The following PDZRN4 variants were observed in gnomAD, a reference collection of about 807,000 sequenced individuals.
PDZRN4 encodes the protein PDZ domain containing ring finger 4.
PDZRN4 carries 70 observed loss-of-function variants against 99.0 expected under a neutral mutation model. The ratio of observed to expected loss-of-function variants is 0.71; its 90% CI spans 0.58 to 0.86. The LOEUF (loss-of-function observed/expected upper bound fraction) is 0.86, where lower values mean the gene tolerates loss of function less well. Among genes scored for constraint, PDZRN4 ranks in the 40% least tolerant of loss-of-function variants. PDZRN4 has a pLI of 0.00. For synonymous variants in PDZRN4, 551 were observed against 501.6 expected, an observed-to-expected ratio of 1.10 and a Z score of -1.32; for missense variants, 1,474 against 1,331.2, an observed-to-expected ratio of 1.11 and a Z score of -1.67.
chr12:41,283,130 G>A lies in PDZRN4; in HGVS notation c.843+88942G>A, dbSNP rs541863900. ...TAACAGAATTAGCCAGACTAATTAA[G>A]AAGAAAAGAGAGAAGAATCAAATAG... is the stretch of plus-strand genomic sequence containing the variant. On this transcript the variant is annotated intron_variant, in intron 3 of 9. Coordinates refer to ENST00000402685, the MANE Select transcript of PDZRN4 (RefSeq NM_001164595.2). Among the ~76,000 whole-genome samples, 8 of 151,822 alleles carry A rather than the reference G, an allele frequency of 5.3e-5. No homozygotes were observed. In the East Asian group the frequency reaches 1.5e-3, roughly 29 times the overall value.
intron 3 of PDZRN4, among the ~76,000 whole-genome samples, chr12:41,310,728 A>G (rs1379716192): frequency 6.6e-6 from 1 of 152,202 alleles, no homozygotes; most frequent in Non-Finnish European, 1.5e-5. Context: ...ACGTTATTCT[A>G]TTTCTAAAAC....
chr12:41,296,980 A>G (rs1951499562), intron 3 of PDZRN4, among the ~76,000 whole-genome samples: 1 of 152,004 alleles, frequency 6.6e-6, no homozygotes. Flanking sequence ...CAAAAACAAA[A>G]TCTGTAAAGG....
chr12:41,217,966 G>T (rs1345677393), intron 3 of PDZRN4, among the ~76,000 whole-genome samples: 2 of 152,088 alleles, frequency 1.3e-5, no homozygotes, highest in Non-Finnish European at 2.9e-5. Context: ...AAAGGACTTG[G>T]AATGTACAAG....
chr12:41,526,872 T>G (rs745527264), intron 5 of PDZRN4, among the ~76,000 whole-genome samples: 1 of 152,246 alleles, frequency 6.6e-6, no homozygotes, highest in Non-Finnish European at 1.5e-5. Flanking sequence ...TGACTTCCAC[T>G]TCTACTGTAA....
intron 3 of PDZRN4, among the ~76,000 whole-genome samples, chr12:41,214,786 A>C (rs369119299): frequency 8.7e-4 from 132 of 152,172 alleles, no homozygotes; most frequent in African/African-American, 3.1e-3. Context: ...AAGCTACTCA[A>C]AATAGTTATA....
chr12:41,190,524 G>C (rs193239425), intron 1 of PDZRN4, among the ~76,000 whole-genome samples: 11 of 152,314 alleles, frequency 7.2e-5, no homozygotes. Context: ...ATTCTGAGAA[G>C]TGAGAAAAAC....
chr12:41,493,826 T>A (rs1391905452), intron 3 of PDZRN4, among the ~76,000 whole-genome samples: 3 of 151,110 alleles, frequency 2.0e-5, no homozygotes, highest in African/African-American at 7.3e-5. Flanking sequence ...AAAGGTGGCC[T>A]AGGCTGGAAA....
At chr12:41,197,918 G>GTTTTTTTTTTTTCT (rs1491129322) in intron 3 of PDZRN4, among the ~76,000 whole-genome samples, 3 of 114,576 alleles carry the variant, frequency 2.6e-5, no homozygotes. Flanking sequence ...TGTTTTTTCT[G>GTTTTTTTTTTTTCT]GGTTTTTTTT....
chr12:41,544,698 AG>A (rs1592105409), intron 5 of PDZRN4, among the ~76,000 whole-genome samples: 1 of 152,248 alleles, frequency 6.6e-6, no homozygotes, highest in South Asian at 2.1e-4. Context: ...ATTGCCAAGA[AG>A]CTACTAAGCA....
intron 3 of PDZRN4, among the ~76,000 whole-genome samples, chr12:41,262,850 G>A (rs1029337753): frequency 6.6e-5 from 10 of 151,906 alleles, no homozygotes; most frequent in Non-Finnish European, 1.2e-4. Context: ...ATAAGATGTC[G>A]GCGTTTCTAG....
rs562439739 is a variant in PDZRN4 at position 41,438,681 on chromosome 12, A to G, written c.844-67775A>G. ...CTGTAGGTGACCTAGAAAAAAGTGT[A>G]TAAATTTAGATGTCTCTTTTATGTG... On this transcript the variant is annotated intron_variant, in intron 3 of 9. Transcript: ENST00000402685. 5.3e-5 allele frequency among the ~76,000 whole-genome samples: 8 copies of G among 152,292 alleles called. No individual in the cohort carries two copies. In the South Asian group the frequency reaches 1.7e-3, roughly 32 times the overall value.
At chr12:41,317,109 TG>T (rs1951644495) in intron 3 of PDZRN4, among the ~76,000 whole-genome samples, 1 of 131,516 alleles carries the variant, frequency 7.6e-6, no homozygotes, top group South Asian at 2.5e-4. Flanking sequence ...ATTATCTATG[TG>T]GTATACAAGT....
chr12:41,327,061 CCT>C (rs1951713976), intron 3 of PDZRN4, among the ~76,000 whole-genome samples: 1 of 152,012 alleles, frequency 6.6e-6, no homozygotes, highest in Non-Finnish European at 1.5e-5. Context: ...AGATGCAATT[CCT>C]CTTTGTTTCT....
At chr12:41,414,628 T>C (rs1345965949) in intron 3 of PDZRN4, among the ~76,000 whole-genome samples, 1 of 151,922 alleles carries the variant, frequency 6.6e-6, no homozygotes, top group East Asian at 1.9e-4. Flanking sequence ...TACAACCATC[T>C]TCAAATTAAA....
At chr12:41,462,906 G>A (rs563839811) in intron 3 of PDZRN4, among the ~76,000 whole-genome samples, 8 of 152,144 alleles carry the variant, frequency 5.3e-5, no homozygotes, top group Non-Finnish European at 1.0e-4. Context: ...ATTGTGGTCT[G>A]TCCACTGTCA....
chr12:41,525,549 A>T (rs1179395826), intron 5 of PDZRN4, among the ~76,000 whole-genome samples: 2 of 152,236 alleles, frequency 1.3e-5, no homozygotes, highest in Non-Finnish European at 2.9e-5. Flanking sequence ...CCACATATAC[A>T]CATATGAAAC....
At chr12:41,441,038 T>A (rs1952676629) in intron 3 of PDZRN4, among the ~76,000 whole-genome samples, 1 of 152,138 alleles carries the variant, frequency 6.6e-6, no homozygotes, top group Non-Finnish European at 1.5e-5. Context: ...TTAAGCTTGA[T>A]TTTTTCACAT....
chr12:41,555,886 C>CA (rs35738715), intron 7 of PDZRN4, 126 bp downstream of exon 7: 28,445 of 549,426 alleles, frequency 0.052, 145 homozygotes, highest in African/African-American at 0.098. Flanking sequence ...TCTACAAAAC[C>CA]AAAAAAAAAA....
chr12:41,388,012 G>A (rs146202750), intron 3 of PDZRN4, among the ~76,000 whole-genome samples: 1,605 of 152,232 alleles, frequency 0.011, 32 homozygotes, highest in African/African-American at 0.036. Context: ...GCAAATACAT[G>A]GAACAAACTT....
Sources: gnomAD v4.1 joint callset for allele counts (sites outside exome capture counted in the v4.1 genomes callset) on GRCh38, gnomAD v4.1.1 for gene constraint, MANE v1.5 for transcripts, NCBI Gene and HGNC (gene_info 2026-07-23, HGNC 2026-07-21) for gene names.